EFTUD2: variants seen among roughly 807,000 people sequenced by gnomAD.
EFTUD2 encodes elongation factor Tu GTP binding domain containing 2, also known as 116 kDa U5 small nuclear ribonucleoprotein component.
A neutral mutation model predicts 114.3 loss-of-function variants in EFTUD2; 9 were observed. The observed-to-expected ratio is 0.08, with a 90% confidence interval of 0.05 to 0.14. The LOEUF is 0.14. Among genes scored for constraint, EFTUD2 ranks in the 10% least tolerant of loss-of-function variants. The pLI is 1.00. For missense variants in EFTUD2, 765 were observed against 1,241.2 expected (o/e 0.62, Z 5.76); for synonymous variants, 449 against 462.3 (o/e 0.97, Z 0.37).
At chr17:44,873,433 G>A (rs2050890205) in intron 10 of EFTUD2, among the ~76,000 whole-genome samples, 2 of 152,174 alleles carry the variant, frequency 1.3e-5, no homozygotes, top group Admixed American at 6.5e-5. Context: ...ACCATTCACT[G>A]TAGCCTCGAT....
intron 3 of EFTUD2, 56 bp downstream of exon 3, chr17:44,886,529 T>G (rs2051176033): frequency 5.6e-6 from 9 of 1,598,682 alleles, no homozygotes; most frequent in South Asian, 4.5e-5. Flanking sequence ...TGCTGAGAGC[T>G]ATGAAGTTTC....
Position 44,875,983 on chromosome 17 carries a change from C to T in EFTUD2, c.820G>A (p.Ala274Thr). Residue 274 changes from alanine (A) to threonine (T), a missense_variant, in exon 10 of 28, where the codon GCT (alanine) becomes ACT (threonine). Physicochemically the swap from Ala to Thr is moderately conservative, Grantham distance 58. Coordinates refer to ENST00000426333, the MANE Select transcript of EFTUD2 (RefSeq NM_004247.4). ...ACAATGTGGCGCAGCTTGTAATAAG[C>T]ATCAGTTGGAGGCAGCTTCAGCTCC... The part of the protein sequence containing the change: ...ILELKLPPTD[A>T]YYKLRHIVDE... 1.9e-6 allele frequency: 3 copies of T among 1,614,102 alleles called. No homozygotes were observed. In the Admixed American group the frequency reaches 5.0e-5, roughly 27 times the overall value.
At chr17:44,879,499 C>G (rs550130392) in intron 9 of EFTUD2, 57 bp downstream of exon 9, 1 of 1,563,528 alleles carries the variant, frequency 6.4e-7, no homozygotes, top group Admixed American at 1.7e-5. Context: ...GGTATTGTTG[C>G]GGGGTGGGGG....
At chr17:44,851,962 G>A in intron 26 of EFTUD2, 145 bp from the exon 27 acceptor site, 1 of 768,284 alleles carries the variant, frequency 1.3e-6, no homozygotes, top group South Asian at 2.2e-5. Context: ...TTGTCTCCCA[G>A]GCTGGAGTAC....
rs1187879050 is a variant in EFTUD2 at position 44,850,286 on chromosome 17, T to C, written c.*988A>G. 2.0e-6 allele frequency: 3 copies of C among 1,520,320 alleles called. No homozygotes were observed. The allele number at this position is 1,520,320 out of a possible 1,614,324, so 94.2% of individuals were successfully genotyped here. ...GGACGCCTGAGAGCCAGAGGACGGG[T>C]GAAGGGTTTGATGCCAAGGGGCATT... is the stretch of plus-strand genomic sequence containing the variant. On this transcript the variant is annotated 3_prime_UTR_variant, in exon 28 of 28. Coordinates refer to ENST00000426333, the MANE Select transcript of EFTUD2 (RefSeq NM_004247.4).
intron 11 of EFTUD2, 137 bp from the exon 12 acceptor site, chr17:44,868,487 G>C: frequency 1.3e-6 from 1 of 759,652 alleles, no homozygotes. Flanking sequence ...CTTCTAACCA[G>C]AGAGGAAAAC....
chr17:44,880,094 A>G (rs11079378), intron 8 of EFTUD2, among the ~76,000 whole-genome samples: 18,731 of 152,170 alleles, frequency 0.12, 1,238 homozygotes, highest in East Asian at 0.24. Context: ...CAAATCAGCC[A>G]AAACCTAAAA....
rs746707538 is a variant in EFTUD2 at position 44,880,628 on chromosome 17, T to C, written c.545A>G (p.Lys182Arg). Residue 182 changes from lysine (K) to arginine (R), a missense_variant, in exon 8 of 28, where the codon AAA (lysine) becomes AGA (arginine). Physicochemically the swap from Lys to Arg is conservative, Grantham distance 26 (BLOSUM62 2). This residue lies in a region of EFTUD2 where 251 missense variants were observed against 357.7 expected (regional missense o/e 0.70). Transcript: ENST00000426333. ...CAAGACCACTGTCACAGGAGTGCTTTTGATGCCTACACCTCTCTGAAAGGA... is the reference window on the plus strand; with the variant it reads ...CAAGACCACTGTCACAGGAGTGCTTCTGATGCCTACACCTCTCTGAAAGGA... ...FTEQERGVGI[K>R]STPVTVVLPD... 3.7e-6 allele frequency: 6 copies of C among 1,613,566 alleles called. No individual in the cohort carries two copies. Among genetic ancestry groups the C allele is most frequent in the East Asian group, 2.2e-5 (1 of 44,868 alleles).
intron 10 of EFTUD2, among the ~76,000 whole-genome samples, chr17:44,873,832 C>T (rs950301638): frequency 1.4e-4 from 21 of 150,932 alleles, no homozygotes; most frequent in African/African-American, 4.9e-4. Context: ...CCCGGGTTCA[C>T]GCCATTCTCC....
intron 19 of EFTUD2, 21 bp from the exon 20 acceptor site, chr17:44,857,178 T>C: frequency 6.2e-7 from 1 of 1,610,462 alleles, no homozygotes; most frequent in Non-Finnish European, 8.5e-7. Context: ...GAAAATAAAT[T>C]ACTGAAGCGA....
chr17:44,895,643 C>A (rs958455256), intron 1 of EFTUD2, among the ~76,000 whole-genome samples: 3 of 152,156 alleles, frequency 2.0e-5, no homozygotes, highest in Non-Finnish European at 4.4e-5. Context: ...ATTATCCAGT[C>A]CTTAATAGAA....
chr17:44,875,800 G>T, intron 10 of EFTUD2, 134 bp downstream of exon 10: 2 of 1,022,918 alleles, frequency 2.0e-6, no homozygotes, highest in Non-Finnish European at 2.9e-6. Context: ...CAGAGTCCCA[G>T]GATGTGCCTC....
At chr17:44,884,543 G>C (rs2051131494) in intron 4 of EFTUD2, among the ~76,000 whole-genome samples, 1 of 149,400 alleles carries the variant, frequency 6.7e-6, no homozygotes, top group Non-Finnish European at 1.5e-5. Context: ...GAGAGAGAGA[G>C]AGCACCTAAA....
Position 44,850,207 on chromosome 17 carries a change from G to C in EFTUD2, c.*1067C>G. On this transcript the variant is annotated 3_prime_UTR_variant, in exon 28 of 28. Transcript: ENST00000426333. ...GAAGCAGCTGTTGGGACCTGGGGCA[G>C]AAAGATGAGCGGGAAGCTGGACTCT... 1 of 679,948 alleles carries C rather than the reference G, an allele frequency of 1.5e-6. No homozygotes were observed. The highest frequency in any genetic ancestry group is 2.7e-5 in the East Asian group (1 of 36,950). The allele number at this position is 679,948 out of a possible 1,614,324, so 42.1% of individuals were successfully genotyped here.
intron 24 of EFTUD2, 23 bp from the exon 25 acceptor site, chr17:44,853,413 G>A (rs1388660702): frequency 6.2e-7 from 1 of 1,613,880 alleles, no homozygotes; most frequent in East Asian, 2.2e-5. Flanking sequence ...AAGAAGAAAG[G>A]CCCCTCAGCT....
chr17:44,875,312 C>T (rs1344695601), intron 10 of EFTUD2, among the ~76,000 whole-genome samples: 2 of 152,258 alleles, frequency 1.3e-5, no homozygotes, highest in African/African-American at 2.4e-5. Context: ...GGGCGGATCA[C>T]GAGCTCAGAA....
Position 44,851,282 on chromosome 17 carries a change from G to A in EFTUD2, c.2911C>T (p.Pro971Ser). The A allele has an allele frequency of 2.5e-6, 4 of 1,614,008 alleles. No individual in the cohort carries two copies. Among genetic ancestry groups the A allele is most frequent in the Non-Finnish European group, 3.4e-6 (4 of 1,179,912 alleles). The change falls in exon 28 of 28, where the codon CCC becomes TCC. Residue 971 changes from proline to serine, a missense_variant. Around this residue, in one of 6 missense-constraint regions of EFTUD2, gnomAD observed 166 missense variants for 401.5 expected, o/e 0.41. Coordinates refer to ENST00000426333, the MANE Select transcript of EFTUD2 (RefSeq NM_004247.4). The part of the protein sequence containing the change: ...LAKQDVVLNY[P>S]M ...CCCAGGAGTCCACGCACTCACATGG[G>A]GTAATTGAGCACAACATCCTGTTTG...
intron 2 of EFTUD2, among the ~76,000 whole-genome samples, chr17:44,890,271 C>T (rs1358395397): frequency 2.0e-5 from 3 of 151,918 alleles, no homozygotes; most frequent in Admixed American, 6.6e-5. Context: ...CTGCCCACCT[C>T]AGCCTCCCAA....
intron 12 of EFTUD2, 96 bp from the exon 13 acceptor site, chr17:44,867,993 C>G (rs1466382337): frequency 3.5e-5 from 42 of 1,214,014 alleles, no homozygotes; most frequent in Non-Finnish European, 4.5e-5. Flanking sequence ...AACAACAGCC[C>G]AGGGGAGGAA....
Sources: allele counts gnomAD v4.1 joint callset (sites outside exome capture counted in the v4.1 genomes callset), GRCh38; gene constraint gnomAD v4.1.1; regional missense constraint gnomAD v4.1.1; transcripts MANE v1.5; gene names NCBI Gene and HGNC (gene_info 2026-07-23, HGNC 2026-07-21).